MAP7: variants seen among roughly 807,000 people sequenced by gnomAD.
MAP7 encodes microtubule associated protein 7.
Under a neutral mutation model 94.8 loss-of-function variants are expected in MAP7, and 52 were observed. That is an observed-to-expected ratio of 0.55 (90% CI 0.44 to 0.69). MAP7 has a LOEUF of 0.69. Among genes scored for constraint, MAP7 ranks in the 30% least tolerant of loss-of-function variants. The pLI is 0.00. For missense variants in MAP7, 940 were observed against 964.6 expected (o/e 0.97, Z 0.34); for synonymous variants, 350 against 357.0 (o/e 0.98, Z 0.22).
chr6:136,375,821 CA>C (rs1775952985), intron 7 of MAP7, among the ~76,000 whole-genome samples: 1 of 151,910 alleles, frequency 6.6e-6, no homozygotes, highest in African/African-American at 2.4e-5. Context: ...GGAAATGTGT[CA>C]AAATAAAGAG....
intron 3 of MAP7, among the ~76,000 whole-genome samples, chr6:136,397,366 T>G (rs1419148437): frequency 1.3e-5 from 2 of 152,156 alleles, no homozygotes; most frequent in East Asian, 3.8e-4. Flanking sequence ...CTATTAGGTT[T>G]AAGAATTTCA....
At chr6:136,505,079 A>C (rs1422111692) in intron 1 of MAP7, among the ~76,000 whole-genome samples, 1 of 151,924 alleles carries the variant, frequency 6.6e-6, no homozygotes, top group African/African-American at 2.4e-5. Context: ...TAATTTTGCA[A>C]ACATTGTAAC....
rs969887486 is a variant in MAP7, at chr6:136,528,045, T to C, written c.67+22297A>G. 4.2e-4 allele frequency among the ~76,000 whole-genome samples: 64 copies of C among 152,192 alleles called. 1 individual carries two copies. The highest frequency in any genetic ancestry group is 6.5e-4 in the Admixed American group (10 of 15,276). On this transcript the variant is annotated intron_variant, in intron 1 of 17. Coordinates refer to ENST00000354570, the MANE Select transcript of MAP7 (RefSeq NM_003980.6). The stretch of plus-strand genomic sequence containing the variant: ...GAATGGGCCTGAGAAAGCAAGTGAG[T>C]CAGCATCGTTTTACATGCGAGGAAG...
At chr6:136,436,825 T>C (rs189601300) in intron 1 of MAP7, among the ~76,000 whole-genome samples, 2 of 152,300 alleles carry the variant, frequency 1.3e-5, no homozygotes, top group East Asian at 1.9e-4. Context: ...CAAGGAAAAT[T>C]TACCTTCTCT....
Position 136,365,879 on chromosome 6 carries a change from T to C in MAP7, c.1129A>G (p.Lys377Glu), listed in dbSNP as rs1179030796. Residue 377 changes from lysine (K) to glutamate (E), a missense_variant, in exon 10 of 18, where the codon AAA (lysine) becomes GAA (glutamate). Lys to Glu is a moderately conservative substitution (Grantham distance 56). Coordinates refer to ENST00000354570, the MANE Select transcript of MAP7 (RefSeq NM_003980.6). ...GNIRPVKREV[K>E]VEPEKKDPEK... Reference sequence around the variant, plus strand: ...GGATCTTTCTTCTCAGGCTCCACTTTGACTTCCCTCTTGACAGGGCGGATG... The same window carrying C: ...GGATCTTTCTTCTCAGGCTCCACTTCGACTTCCCTCTTGACAGGGCGGATG... 1.9e-6 allele frequency: 3 copies of C among 1,614,164 alleles called. No individual in the cohort carries two copies. The highest frequency in any genetic ancestry group is 2.5e-6 in the Non-Finnish European group (3 of 1,180,028).
At chr6:136,506,548 G>A (rs1364839463) in intron 1 of MAP7, among the ~76,000 whole-genome samples, 1 of 151,556 alleles carries the variant, frequency 6.6e-6, no homozygotes, top group Non-Finnish European at 1.5e-5. Flanking sequence ...GGGGGCATCT[G>A]CTCTTCCAGC....
intron 1 of MAP7, among the ~76,000 whole-genome samples, chr6:136,521,699 T>C (rs1320901144): frequency 2.0e-5 from 3 of 152,202 alleles, no homozygotes; most frequent in Non-Finnish European, 4.4e-5. Context: ...GTCTTGCTTC[T>C]ATAATGAAAT....
At chr6:136,388,878 CTG>C (rs1264624283) in intron 4 of MAP7, among the ~76,000 whole-genome samples, 1 of 152,166 alleles carries the variant, frequency 6.6e-6, no homozygotes, top group Non-Finnish European at 1.5e-5. Context: ...AGTTCAGAAT[CTG>C]AGAACATGGG....
rs115678285 is a variant in MAP7, at chr6:136,456,645, C to A, written c.68-34846G>T. The stretch of plus-strand genomic sequence containing the variant: ...CATGATTATGCTATAGCATTTCGGC[C>A]TGGGCAACAGAGTGATACCCTGTCT... On this transcript the variant is annotated intron_variant, in intron 1 of 17. Coordinates refer to ENST00000354570, the MANE Select transcript of MAP7 (RefSeq NM_003980.6). Among the ~76,000 whole-genome samples the A allele has an allele frequency of 8.1e-3, 1,212 of 149,130 alleles. 22 individuals carry two copies. Among genetic ancestry groups the A allele is most frequent in the African/African-American group, 0.028 (1,117 of 40,338 alleles).
At chr6:136,428,889 T>C (rs1030378408) in intron 1 of MAP7, among the ~76,000 whole-genome samples, 64 of 152,338 alleles carry the variant, frequency 4.2e-4, no homozygotes, top group African/African-American at 1.5e-3. Flanking sequence ...TTTTTTCTCT[T>C]CTGATGTGAA....
At chr6:136,351,070 T>C (rs1789043773) in intron 16 of MAP7, among the ~76,000 whole-genome samples, 1 of 151,854 alleles carries the variant, frequency 6.6e-6, no homozygotes, top group African/African-American at 2.4e-5. Flanking sequence ...GGGAAAATCA[T>C]GAAATGAGTG....
chr6:136,350,694 A>G (rs1788924879), intron 16 of MAP7, among the ~76,000 whole-genome samples: 1 of 152,102 alleles, frequency 6.6e-6, no homozygotes, highest in Non-Finnish European at 1.5e-5. Flanking sequence ...CTCTATAAAA[A>G]TATATATGTT....
chr6:136,454,397 C>T (rs1802180414), intron 1 of MAP7, among the ~76,000 whole-genome samples: 1 of 151,958 alleles, frequency 6.6e-6, no homozygotes, highest in African/African-American at 2.4e-5. Context: ...GCCTTGACCG[C>T]CTGGGCTCAA....
intron 1 of MAP7, among the ~76,000 whole-genome samples, chr6:136,467,995 T>C (rs569956641): frequency 6.6e-6 from 1 of 152,218 alleles, no homozygotes; most frequent in Admixed American, 6.5e-5. Context: ...ACTAACCTTG[T>C]TAATACCCTT....
chr6:136,456,794 A>AG (rs1430604986), intron 1 of MAP7, among the ~76,000 whole-genome samples: 2 of 71,582 alleles, frequency 2.8e-5, no homozygotes, highest in South Asian at 6.0e-4. Flanking sequence ...AAGAAGAAGA[A>AG]GAAGAAGAAG....
rs771178742 is a variant in MAP7, at chr6:136,360,704, C to G, written c.1796G>C (p.Arg599Thr). Reference protein sequence around the residue: ...FQREEQERLERKKRLEEIMKR... With the variant: ...FQREEQERLETKKRLEEIMKR... ...CTACTAAGACGCAGCTACCTTCTTT[C>G]TCTCCAGGCGCTCTTGCTCTTCTCT... Residue 599 changes from arginine to threonine, a missense_variant, in exon 13 of 18, where the codon AGA becomes ACA. Transcript: ENST00000354570. The G allele has an allele frequency of 1.9e-6, 3 of 1,614,180 alleles. No individual in the cohort carries two copies. Among genetic ancestry groups the G allele is most frequent in the Non-Finnish European group, 2.5e-6 (3 of 1,180,028 alleles).
intron 1 of MAP7, among the ~76,000 whole-genome samples, chr6:136,542,325 C>A (rs1829391444): frequency 6.6e-6 from 1 of 152,120 alleles, no homozygotes; most frequent in Non-Finnish European, 1.5e-5. Flanking sequence ...GCCTAAATAC[C>A]ATTCACATTT....
rs191373407 is a variant in MAP7 at position 136,370,973 on chromosome 6, G to A, written c.876+1528C>T. On this transcript the variant is annotated intron_variant, in intron 8 of 17. Coordinates refer to ENST00000354570, the MANE Select transcript of MAP7 (RefSeq NM_003980.6). ...AAAATTTAGCTTGTCAGTTTCAGTA[G>A]CCACTTTCCAAGTGCTCACTGTGGC... Among the ~76,000 whole-genome samples the A allele has an allele frequency of 5.4e-3, 826 of 151,682 alleles. 4 individuals carry two copies. The highest frequency in any genetic ancestry group is 0.014 in the Middle Eastern group (4 of 294).
At chr6:136,438,982 G>A (rs999071293) in intron 1 of MAP7, among the ~76,000 whole-genome samples, 1 of 152,166 alleles carries the variant, frequency 6.6e-6, no homozygotes, top group Non-Finnish European at 1.5e-5. Flanking sequence ...TGTTCAGAAA[G>A]TTACAATGTG....
Sources: gnomAD v4.1 joint callset for allele counts (sites outside exome capture counted in the v4.1 genomes callset) on GRCh38, gnomAD v4.1.1 for gene constraint, MANE v1.5 for transcripts, NCBI Gene and HGNC (gene_info 2026-07-23, HGNC 2026-07-21) for gene names.